AUTS2: variants seen among roughly 807,000 people sequenced by gnomAD.
AUTS2 encodes activator of transcription and developmental regulator AUTS2.
In AUTS2, 17 loss-of-function variants were observed where a neutral mutation model predicts 112.4. The ratio of observed to expected loss-of-function variants is 0.15; its 90% CI spans 0.10 to 0.23. The LOEUF (loss-of-function observed/expected upper bound fraction) is 0.23, where lower values mean the gene tolerates loss of function less well. Among genes scored for constraint, AUTS2 ranks in the 10% least tolerant of loss-of-function variants. The pLI, the probability that AUTS2 is intolerant of heterozygous loss-of-function variation, is 1.00. For synonymous variants in AUTS2, 751 were observed against 702.7 expected (o/e 1.07, Z -1.09); for missense variants, 1,510 against 1,701.6 (o/e 0.89, Z 1.98).
intron 1 of AUTS2, among the ~76,000 whole-genome samples, chr7:69,824,958 C>G (rs1484642362): frequency 6.6e-6 from 1 of 152,194 alleles, no homozygotes; most frequent in Non-Finnish European, 1.5e-5. Context: ...GCAGAAAATA[C>G]TTCACTATAC....
chr7:70,072,512 G>A (rs773930812), intron 2 of AUTS2, among the ~76,000 whole-genome samples: 1 of 152,104 alleles, frequency 6.6e-6, no homozygotes, highest in Non-Finnish European at 1.5e-5. Flanking sequence ...ACATAGTCCC[G>A]AGGTTCAGCT....
At chr7:69,778,273 C>T (rs1294643941) in intron 1 of AUTS2, among the ~76,000 whole-genome samples, 1 of 145,338 alleles carries the variant, frequency 6.9e-6, no homozygotes, top group African/African-American at 2.6e-5. Context: ...CTCATTTGGT[C>T]TGTGTCATGA....
chr7:69,928,927 G>C (rs1796130473), intron 2 of AUTS2, among the ~76,000 whole-genome samples: 1 of 152,216 alleles, frequency 6.6e-6, no homozygotes, highest in Non-Finnish European at 1.5e-5. Context: ...AATCCAGACG[G>C]GCCACCATTG....
At chr7:70,305,703 T>C in intron 4 of AUTS2, among the ~76,000 whole-genome samples, 1 of 152,234 alleles carries the variant, frequency 6.6e-6, no homozygotes, top group East Asian at 1.9e-4. Context: ...GCTGATCTCC[T>C]TGGAGATGAC....
chr7:70,578,238 A>T (rs1802265010), intron 5 of AUTS2, among the ~76,000 whole-genome samples: 1 of 152,228 alleles, frequency 6.6e-6, no homozygotes, highest in Non-Finnish European at 1.5e-5. Context: ...AAGATCATCT[A>T]GTCTAGAGAT....
intron 4 of AUTS2, among the ~76,000 whole-genome samples, chr7:70,313,939 G>T (rs961965899): frequency 6.6e-6 from 1 of 152,146 alleles, no homozygotes; most frequent in Non-Finnish European, 1.5e-5. Flanking sequence ...TTAATTAGCC[G>T]CATTTTAGCA....
rs115949522 is a variant in AUTS2 at position 69,822,773 on chromosome 7, G to A, written c.310-76513G>A. Among the ~76,000 whole-genome samples the A allele has an allele frequency of 1.2e-3, 180 of 152,236 alleles. 1 individual carries two copies. The highest frequency in any genetic ancestry group is 4.3e-3 in the African/African-American group (177 of 41,552). On this transcript the variant is annotated intron_variant, in intron 1 of 18. Transcript: ENST00000342771. ...TTCTTTGTTAACCAGAGTTGAGAGT[G>A]GAGTCCAATCCAATATCTGCCTAGT... is the stretch of plus-strand genomic sequence containing the variant.
intron 4 of AUTS2, among the ~76,000 whole-genome samples, chr7:70,311,304 T>C (rs1789738633): frequency 6.6e-6 from 1 of 152,178 alleles, no homozygotes; most frequent in South Asian, 2.1e-4. Context: ...AGTTTTGCCA[T>C]TATTATATTT....
chr7:69,775,077 G>A (rs1029182304), intron 1 of AUTS2, among the ~76,000 whole-genome samples: 2 of 151,996 alleles, frequency 1.3e-5, no homozygotes, highest in African/African-American at 2.4e-5. Flanking sequence ...TTTTTTTATT[G>A]GGTAGTGTTG....
intron 5 of AUTS2, among the ~76,000 whole-genome samples, chr7:70,668,016 C>A (rs1035742259): frequency 3.9e-5 from 6 of 152,180 alleles, no homozygotes; most frequent in African/African-American, 1.2e-4. Context: ...TCTTTTTTCA[C>A]CTAGGCTGGA....
intron 1 of AUTS2, among the ~76,000 whole-genome samples, chr7:69,787,907 T>G (rs1316474289): frequency 2.6e-5 from 4 of 152,130 alleles, no homozygotes; most frequent in African/African-American, 9.7e-5. Flanking sequence ...TTTTACCTAC[T>G]TCCCCAGCCT....
intron 1 of AUTS2, among the ~76,000 whole-genome samples, chr7:69,706,702 TC>T: frequency 6.6e-6 from 1 of 152,354 alleles, no homozygotes; most frequent in Non-Finnish European, 1.5e-5. Context: ...GTCTTTTCTT[TC>T]CTTTCTCTTT....
chr7:69,630,017 C>A (rs1794153993), intron 1 of AUTS2, among the ~76,000 whole-genome samples: 1 of 151,946 alleles, frequency 6.6e-6, no homozygotes, highest in South Asian at 2.1e-4. Flanking sequence ...CATGGCAATA[C>A]CTTCTGGTGG....
chr7:70,288,183 C>T (rs1788551341), intron 4 of AUTS2, among the ~76,000 whole-genome samples: 1 of 152,006 alleles, frequency 6.6e-6, no homozygotes, highest in Admixed American at 6.6e-5. Flanking sequence ...GAGGCCGAGG[C>T]GAGTGGATCA....
chr7:69,648,128 C>G (rs1289812416), intron 1 of AUTS2, among the ~76,000 whole-genome samples: 1 of 152,188 alleles, frequency 6.6e-6, no homozygotes, highest in Non-Finnish European at 1.5e-5. Context: ...TAACAGAGTT[C>G]TACTTTGAAA....
chr7:70,299,631 G>C (rs1282051683), intron 4 of AUTS2, among the ~76,000 whole-genome samples: 1 of 152,130 alleles, frequency 6.6e-6, no homozygotes, highest in Admixed American at 6.5e-5. Flanking sequence ...GCAAGAAAAT[G>C]ATGAGCACCT....
chr7:70,135,252 A>G (rs1232113396), intron 4 of AUTS2, among the ~76,000 whole-genome samples: 1 of 152,176 alleles, frequency 6.6e-6, no homozygotes, highest in Non-Finnish European at 1.5e-5. Flanking sequence ...ATTTATTTAT[A>G]GTGAAATTCT....
At chr7:69,781,664 C>T (rs1789148434) in intron 1 of AUTS2, among the ~76,000 whole-genome samples, 1 of 152,236 alleles carries the variant, frequency 6.6e-6, no homozygotes, top group South Asian at 2.1e-4. Context: ...CTCTTGAAGG[C>T]TCTTCTCCAC....
intron 5 of AUTS2, among the ~76,000 whole-genome samples, chr7:70,498,910 G>A (rs1251833339): frequency 6.6e-6 from 1 of 152,184 alleles, no homozygotes; most frequent in Non-Finnish European, 1.5e-5. Flanking sequence ...AGCACAAGAG[G>A]AGGCTCAGGG....
Sources: allele counts gnomAD v4.1 joint callset (sites outside exome capture counted in the v4.1 genomes callset), GRCh38; gene constraint gnomAD v4.1.1; transcripts MANE v1.5; gene names NCBI Gene and HGNC (gene_info 2026-07-23, HGNC 2026-07-21).